The following PRICKLE2 variants were observed in gnomAD, a reference collection of about 807,000 sequenced individuals.
PRICKLE2 encodes prickle-like protein 2.
In PRICKLE2, 21 loss-of-function variants were observed where a neutral mutation model predicts 81.4. The ratio of observed to expected loss-of-function variants is 0.26; its 90% confidence interval spans 0.18 to 0.37. The LOEUF (loss-of-function observed/expected upper bound fraction) is 0.37. Ranked by LOEUF, PRICKLE2 falls within the 10% of genes least tolerant of loss-of-function variation. The pLI, the probability that PRICKLE2 is intolerant of heterozygous loss-of-function variation, is 1.00. For missense variants in PRICKLE2, 940 were observed against 1,109.0 expected, an observed-to-expected ratio of 0.85 and a Z score of 2.16; for synonymous variants, 456 against 421.5, an observed-to-expected ratio of 1.08 and a Z score of -1.00.
chr3:64,176,026 C>A (rs1007108492), intron 2 of PRICKLE2, among the ~76,000 whole-genome samples: 1 of 152,124 alleles, frequency 6.6e-6, no homozygotes, highest in African/African-American at 2.4e-5. Flanking sequence ...CTCAAAACTG[C>A]AAAATGGCTA....
intron 7 of PRICKLE2, among the ~76,000 whole-genome samples, chr3:64,129,251 T>C (rs1346899463): frequency 6.6e-6 from 1 of 152,236 alleles, no homozygotes; most frequent in Non-Finnish European, 1.5e-5. Context: ...CCTGAACATG[T>C]TACTTATGCT....
chr3:64,252,810 C>A (rs2079467688), intron 2 of PRICKLE2, among the ~76,000 whole-genome samples: 2 of 152,156 alleles, frequency 1.3e-5, no homozygotes, highest in African/African-American at 4.8e-5. Context: ...GGGTCAGGAT[C>A]AATATTTTAG....
intron 2 of PRICKLE2, among the ~76,000 whole-genome samples, chr3:64,254,618 T>A (rs1308071094): frequency 6.6e-6 from 1 of 152,240 alleles, no homozygotes; most frequent in Non-Finnish European, 1.5e-5. Context: ...TGGATTTTTG[T>A]TCTTCCACCC....
intron 2 of PRICKLE2, among the ~76,000 whole-genome samples, chr3:64,197,833 G>A (rs2078485954): frequency 6.6e-6 from 1 of 151,788 alleles, no homozygotes; most frequent in African/African-American, 2.4e-5. Context: ...ACTTGCACAT[G>A]TACCCATGAA....
intron 2 of PRICKLE2, among the ~76,000 whole-genome samples, chr3:64,237,116 G>A (rs981395089): frequency 1.3e-5 from 2 of 152,112 alleles, no homozygotes; most frequent in African/African-American, 4.8e-5. Context: ...GGCAGGAGGA[G>A]AACTCCATGC....
At chr3:64,231,003 G>A (rs970057457) in intron 2 of PRICKLE2, among the ~76,000 whole-genome samples, 1 of 152,112 alleles carries the variant, frequency 6.6e-6, no homozygotes, top group Non-Finnish European at 1.5e-5. Flanking sequence ...TATCATAAAC[G>A]CTTCTTATCC....
At chr3:64,109,601 G>A (rs762632469) in intron 7 of PRICKLE2, among the ~76,000 whole-genome samples, 2 of 152,136 alleles carry the variant, frequency 1.3e-5, no homozygotes, top group Non-Finnish European at 1.5e-5. Flanking sequence ...GGTGGGGGAG[G>A]AGGGGAGTGT....
At chr3:64,142,002 C>A in intron 7 of PRICKLE2, 1 of 879,560 alleles carries the variant, frequency 1.1e-6, no homozygotes, top group Non-Finnish European at 1.4e-6. Context: ...AAAAAAAAAA[C>A]TACTGAATTT....
chr3:64,233,147 T>C (rs937441153), intron 2 of PRICKLE2, among the ~76,000 whole-genome samples: 1 of 152,194 alleles, frequency 6.6e-6, no homozygotes, highest in African/African-American at 2.4e-5. Context: ...ACTGTCAAAA[T>C]ATACACAGGA....
intron 2 of PRICKLE2, among the ~76,000 whole-genome samples, chr3:64,231,042 A>T (rs981022688): frequency 6.6e-6 from 1 of 152,174 alleles, no homozygotes; most frequent in African/African-American, 2.4e-5. Context: ...TGTGAAAAAT[A>T]ATTTGGTACA....
intron 2 of PRICKLE2, among the ~76,000 whole-genome samples, chr3:64,181,576 T>C (rs696224): frequency 0.88 from 133,813 of 152,024 alleles, 59,774 homozygotes; most frequent in South Asian, 0.97. Context: ...CTCTTCCAGA[T>C]CCTTTCGGAA....
intron 1 of PRICKLE2, among the ~76,000 whole-genome samples, chr3:64,223,819 G>A (rs2078992253): frequency 6.6e-6 from 1 of 152,202 alleles, no homozygotes; most frequent in Non-Finnish European, 1.5e-5. Flanking sequence ...AGCCTTCTGA[G>A]GAGCAGGATT....
At chr3:64,163,714 CATG>C (rs371366706) in intron 2 of PRICKLE2, 201 of 165,548 alleles carry the variant, frequency 1.2e-3, no homozygotes, top group African/African-American at 4.6e-3. Context: ...TTGTCACTAA[CATG>C]AGGATTTTTG....
chr3:64,102,636 A>G (rs1351324388), intron 7 of PRICKLE2: 1 of 152,248 alleles, frequency 6.6e-6, no homozygotes, highest in African/African-American at 2.4e-5. Context: ...AAAGTACATA[A>G]TAAATGTAAT....
At chr3:64,121,234 CCT>C (rs1473886096) in intron 7 of PRICKLE2, among the ~76,000 whole-genome samples, 1 of 152,298 alleles carries the variant, frequency 6.6e-6, no homozygotes, top group East Asian at 1.9e-4. Context: ...TCCAAACTAT[CCT>C]CTCTGGATTA....
chr3:64,104,244 A>G (rs36235), intron 7 of PRICKLE2, among the ~76,000 whole-genome samples: 131,749 of 152,188 alleles, frequency 0.87, 60,085 homozygotes, highest in Non-Finnish European at 1. Flanking sequence ...AGCCTCCCCA[A>G]TATGAAAGCA....
intron 7 of PRICKLE2, among the ~76,000 whole-genome samples, chr3:64,129,904 C>CT (rs1202168952): frequency 3.3e-5 from 5 of 152,318 alleles, no homozygotes; most frequent in South Asian, 4.1e-4. Context: ...CTGCTGATCC[C>CT]TTTCTGGGGA....
chr3:64,235,730 C>T (rs1232059894), intron 2 of PRICKLE2, among the ~76,000 whole-genome samples: 1 of 152,150 alleles, frequency 6.6e-6, no homozygotes, highest in Non-Finnish European at 1.5e-5. Context: ...TTTGACAATT[C>T]CTTTTGGCAT....
At chr3:64,185,712 G>A (rs2078216931) in intron 2 of PRICKLE2, among the ~76,000 whole-genome samples, 1 of 152,170 alleles carries the variant, frequency 6.6e-6, no homozygotes, top group Admixed American at 6.5e-5. Context: ...CTCCACCATT[G>A]GCATGGGAGG....
Sources: gnomAD v4.1 joint callset for allele counts (sites outside exome capture counted in the v4.1 genomes callset) on GRCh38, gnomAD v4.1.1 for gene constraint, MANE v1.5 for transcripts, NCBI Gene and HGNC (gene_info 2026-07-23, HGNC 2026-07-21) for gene names.